ZFHX3: variants seen among roughly 807,000 people sequenced by gnomAD.
ZFHX3 encodes zinc finger homeobox 3.
ZFHX3 carries 42 observed loss-of-function variants against 279.1 expected under a neutral mutation model. The ratio of observed to expected loss-of-function variants is 0.15; its 90% CI spans 0.12 to 0.19. The LOEUF is 0.19. Among genes scored for constraint, ZFHX3 ranks in the 10% least tolerant of loss-of-function variants. The pLI, the probability that ZFHX3 is intolerant of heterozygous loss-of-function variation, is 1.00. For synonymous variants in ZFHX3, 2,293 were observed against 1,957.8 expected, an observed-to-expected ratio of 1.17 and a Z score of -4.52; for missense variants, 4,981 against 4,754.0, an observed-to-expected ratio of 1.05 and a Z score of -1.40.
At chr16:72,852,640 C>T (rs892282122) in intron 4 of ZFHX3, among the ~76,000 whole-genome samples, 15 of 152,178 alleles carry the variant, frequency 9.9e-5, no homozygotes, top group Non-Finnish European at 1.9e-4. Context: ...AGAAAGATCT[C>T]TTGATGACTC....
intron 5 of ZFHX3, among the ~76,000 whole-genome samples, chr16:73,218,439 C>T (rs1881200423): frequency 6.6e-6 from 1 of 152,126 alleles, no homozygotes; most frequent in South Asian, 2.1e-4. Context: ...CTTAAGAATG[C>T]CAGAGCTTTC....
At chr16:73,729,722 G>A (rs1018031771) in intron 1 of ZFHX3, among the ~76,000 whole-genome samples, 1 of 152,060 alleles carries the variant, frequency 6.6e-6, no homozygotes, top group African/African-American at 2.4e-5. Flanking sequence ...ACCATGACAC[G>A]CCAGTGTTTA....
At chr16:73,268,380 G>A (rs1387215552) in intron 4 of ZFHX3, among the ~76,000 whole-genome samples, 1 of 152,228 alleles carries the variant, frequency 6.6e-6, no homozygotes, top group Non-Finnish European at 1.5e-5. Context: ...TTGCAGGGGA[G>A]AGACAAGGGT....
intron 2 of ZFHX3, among the ~76,000 whole-genome samples, chr16:73,524,134 T>C (rs1215925270): frequency 1.3e-5 from 2 of 152,162 alleles, no homozygotes; most frequent in Non-Finnish European, 2.9e-5. Context: ...TTCTCATCTG[T>C]CAGCTGATTC....
intron 1 of ZFHX3, among the ~76,000 whole-genome samples, chr16:73,694,587 C>A (rs1252091591): frequency 1.3e-5 from 2 of 152,112 alleles, no homozygotes; most frequent in Non-Finnish European, 2.9e-5. Context: ...CGTGATCCAT[C>A]CGCCTCGGCC....
chr16:73,630,615 G>C (rs1197339619), intron 2 of ZFHX3, among the ~76,000 whole-genome samples: 2 of 152,164 alleles, frequency 1.3e-5, no homozygotes, highest in Non-Finnish European at 2.9e-5. Context: ...CAAAACAACA[G>C]TTCATTAATG....
intron 1 of ZFHX3, among the ~76,000 whole-genome samples, chr16:73,863,404 A>G (rs1961932709): frequency 6.6e-6 from 1 of 152,104 alleles, no homozygotes; most frequent in South Asian, 2.1e-4. Flanking sequence ...CAGGACGCCA[A>G]AAGGAAACAC....
intron 3 of ZFHX3, among the ~76,000 whole-genome samples, chr16:72,922,293 G>A (rs1650708834): frequency 6.6e-6 from 1 of 152,138 alleles, no homozygotes; most frequent in Non-Finnish European, 1.5e-5. Context: ...CTCAGCTGAA[G>A]GAGCTTTAAC....
At position 72,932,166 on chromosome 16, in the gene ZFHX3, T is replaced by A. The variant is rs146984265; in HGVS notation, c.3216+18303A>T. 1.1e-4 allele frequency among the ~76,000 whole-genome samples: 16 copies of A among 152,248 alleles called. No individual in the cohort carries two copies. In the East Asian group the frequency reaches 3.1e-3, roughly 29 times the overall value. ...GCCTACGTTCTAACTTGCATCTAAT[T>A]TTGGTCACATAAGGGAAATACATGT... On this transcript the variant is annotated intron_variant, in intron 3 of 9. Transcript: ENST00000268489.
intron 1 of ZFHX3, among the ~76,000 whole-genome samples, chr16:73,723,235 A>G (rs2053491378): frequency 6.6e-6 from 1 of 152,212 alleles, no homozygotes; most frequent in African/African-American, 2.4e-5. Context: ...CCAAACTTGT[A>G]TTATGTGTAG....
chr16:73,383,833 C>G (rs190664501), intron 3 of ZFHX3, among the ~76,000 whole-genome samples: 2 of 152,346 alleles, frequency 1.3e-5, no homozygotes, highest in African/African-American at 4.8e-5. Context: ...CGATGCTGGT[C>G]TTTAACAAAA....
At chr16:73,700,953 G>T (rs536193728) in intron 1 of ZFHX3, among the ~76,000 whole-genome samples, 1 of 152,124 alleles carries the variant, frequency 6.6e-6, no homozygotes, top group Non-Finnish European at 1.5e-5. Flanking sequence ...CATACCAAAA[G>T]CTTGTGAAAG....
intron 3 of ZFHX3, among the ~76,000 whole-genome samples, chr16:73,407,122 CAGTG>C (rs1440498022): frequency 1.3e-5 from 2 of 152,144 alleles, no homozygotes; most frequent in African/African-American, 4.8e-5. Context: ...TAGAGATACT[CAGTG>C]GGTGGAGGCC....
intron 7 of ZFHX3, among the ~76,000 whole-genome samples, chr16:73,103,394 G>A (rs373384506): frequency 6.4e-4 from 98 of 152,220 alleles, no homozygotes; most frequent in African/African-American, 2.2e-3. Context: ...AGTCCTGTGC[G>A]CTCACACCTC....
At chr16:73,068,574 G>A (rs1421707618) in intron 8 of ZFHX3, among the ~76,000 whole-genome samples, 1 of 152,216 alleles carries the variant, frequency 6.6e-6, no homozygotes. Flanking sequence ...TCCAGCCTCG[G>A]CTGGCCATAC....
At chr16:73,714,463 T>C (rs1367108927) in intron 1 of ZFHX3, among the ~76,000 whole-genome samples, 1 of 152,128 alleles carries the variant, frequency 6.6e-6, no homozygotes, top group Non-Finnish European at 1.5e-5. Flanking sequence ...CCTAGCAGCA[T>C]GGTAGGATTC....
chr16:72,828,311 A>G (rs563307181), intron 5 of ZFHX3, among the ~76,000 whole-genome samples: 29 of 152,318 alleles, frequency 1.9e-4, no homozygotes, highest in Admixed American at 9.1e-4. Flanking sequence ...TCCTCTTATT[A>G]TTTTCTAGAA....
intron 5 of ZFHX3, among the ~76,000 whole-genome samples, chr16:73,238,141 C>A (rs2013011105): frequency 6.6e-6 from 1 of 152,222 alleles, no homozygotes; most frequent in East Asian, 1.9e-4. Flanking sequence ...TCCTCTCTAG[C>A]TTCATGTCAG....
chr16:73,380,234 A>C (rs9930899), intron 3 of ZFHX3, among the ~76,000 whole-genome samples: 5,312 of 152,292 alleles, frequency 0.035, 314 homozygotes, highest in African/African-American at 0.12. Flanking sequence ...TAAGTATATA[A>C]GGGAAAAAAG....
Sources: allele counts gnomAD v4.1 joint callset (sites outside exome capture counted in the v4.1 genomes callset), GRCh38; gene constraint gnomAD v4.1.1; transcripts MANE v1.5; gene names NCBI Gene and HGNC (gene_info 2026-07-23, HGNC 2026-07-21).